Variants in DLGAP2 observed in about 807,000 individuals in gnomAD.
The protein encoded by DLGAP2 is disks large-associated protein 2.
In DLGAP2, 26 loss-of-function variants were observed where a neutral mutation model predicts 100.3. That is an observed-to-expected ratio of 0.26 (90% CI 0.19 to 0.36). The LOEUF (loss-of-function observed/expected upper bound fraction) is 0.36, where lower values mean the gene tolerates loss of function less well. DLGAP2 is among the 10% of genes least tolerant of loss of function. The probability of loss-of-function intolerance (pLI) is 1.00; values close to 1 mark genes in which losing one functional copy is unlikely to be tolerated. For missense variants in DLGAP2, 1,858 were observed against 1,453.2 expected (o/e 1.28, Z -4.53); for synonymous variants, 886 against 630.1 (o/e 1.41, Z -6.08).
intron 1 of DLGAP2, among the ~76,000 whole-genome samples, chr8:838,692 T>C (rs1365518529): frequency 6.6e-6 from 1 of 152,220 alleles, no homozygotes; most frequent in East Asian, 1.9e-4. Flanking sequence ...CAATTAAACT[T>C]CTTTTACTGC....
intron 2 of DLGAP2, among the ~76,000 whole-genome samples, chr8:1,176,394 A>G (rs1797256895): frequency 1.1e-5 from 1 of 92,976 alleles, no homozygotes; most frequent in Non-Finnish European, 2.4e-5. Flanking sequence ...CCATATCACC[A>G]GAGTTTCTGT....
chr8:1,167,684 T>G (rs1263247865), intron 2 of DLGAP2, among the ~76,000 whole-genome samples: 1 of 152,198 alleles, frequency 6.6e-6, no homozygotes, highest in East Asian at 1.9e-4. Flanking sequence ...CAATGGAATA[T>G]TCTTGGTTTA....
At chr8:789,322 A>G (rs1418307930) in intron 1 of DLGAP2, among the ~76,000 whole-genome samples, 1 of 152,226 alleles carries the variant, frequency 6.6e-6, no homozygotes, top group Non-Finnish European at 1.5e-5. Context: ...GCGAAGGGGA[A>G]GTAGGCATAT....
intron 1 of DLGAP2, among the ~76,000 whole-genome samples, chr8:781,899 T>C (rs376637202): frequency 1.3e-5 from 2 of 152,180 alleles, no homozygotes; most frequent in South Asian, 4.1e-4. Flanking sequence ...ATTTAGGAGA[T>C]AGGATAATAC....
intron 9 of DLGAP2, 60 bp from the exon 10 acceptor site, chr8:1,669,683 C>T: frequency 1.3e-6 from 1 of 780,308 alleles, no homozygotes; most frequent in Non-Finnish European, 2.4e-6. Context: ...AGGGGAGCCG[C>T]CCGCTGGTCC....
intron 10 of DLGAP2, among the ~76,000 whole-genome samples, chr8:1,672,597 T>C (rs1798718549): frequency 6.6e-6 from 1 of 152,200 alleles, no homozygotes; most frequent in African/African-American, 2.4e-5. Flanking sequence ...GAAAAGACTC[T>C]GCGGCTGTCC....
intron 5 of DLGAP2, among the ~76,000 whole-genome samples, chr8:1,551,438 C>T (rs1311548949): frequency 6.6e-6 from 1 of 152,304 alleles, no homozygotes; most frequent in South Asian, 2.1e-4. Context: ...GCCTCCAATG[C>T]CTGCCACTCT....
At chr8:1,554,297 AAATT>A (rs953670112) in intron 5 of DLGAP2, among the ~76,000 whole-genome samples, 1,905 of 112,922 alleles carry the variant, frequency 0.017, 37 homozygotes, top group African/African-American at 0.078. Context: ...CTAAATAAAT[AAATT>A]AATTAAATAA....
intron 2 of DLGAP2, among the ~76,000 whole-genome samples, chr8:1,256,739 T>G (rs75452584): frequency 0.04 from 6,059 of 152,242 alleles, 363 homozygotes; most frequent in African/African-American, 0.13. Flanking sequence ...CTCCCCACTT[T>G]CTGCAGAATT....
intron 2 of DLGAP2, among the ~76,000 whole-genome samples, chr8:1,111,697 G>C (rs556261874): frequency 6.6e-6 from 1 of 152,086 alleles, no homozygotes; most frequent in South Asian, 2.1e-4. Context: ...AAAGATAATG[G>C]CCTCCAGCTC....
In DLGAP2 at chr8:1,568,720, G is replaced by C. The variant is rs1395718906; in HGVS notation, c.1442+2826G>C. The stretch of plus-strand genomic sequence containing the variant: ...TGGCCCCCATGCCACTGCCCACTCA[G>C]CAGACACAATTCCGCTCTGCCCGTG... On this transcript the variant is annotated intron_variant, in intron 6 of 14. Transcript: ENST00000637795. 6.8e-5 allele frequency among the ~76,000 whole-genome samples: 8 copies of C among 118,300 alleles called. 1 individual carries two copies. Among genetic ancestry groups the C allele is most frequent in the African/African-American group, 1.0e-4 (3 of 29,654 alleles). 77.6% of individuals were successfully genotyped at this position (118,300 alleles called of 152,430 possible).
chr8:1,531,194 A>G (rs1167257003), intron 4 of DLGAP2, among the ~76,000 whole-genome samples: 1 of 151,710 alleles, frequency 6.6e-6, no homozygotes, highest in Admixed American at 6.6e-5. Flanking sequence ...CAACTGGTTA[A>G]GTATGGTGCA....
intron 3 of DLGAP2, among the ~76,000 whole-genome samples, chr8:1,345,040 G>A (rs1043455069): frequency 6.6e-6 from 1 of 152,174 alleles, no homozygotes; most frequent in Non-Finnish European, 1.5e-5. Context: ...TCTTTCAGAG[G>A]AATCATTTGA....
intron 8 of DLGAP2, among the ~76,000 whole-genome samples, chr8:1,638,920 A>T (rs1222023548): frequency 6.6e-6 from 1 of 152,332 alleles, no homozygotes; most frequent in African/African-American, 2.4e-5. Context: ...GATGGAGGTG[A>T]TGCTGTTGCA....
intron 3 of DLGAP2, among the ~76,000 whole-genome samples, chr8:1,446,337 A>G (rs1797985317): frequency 6.6e-6 from 1 of 152,096 alleles, no homozygotes; most frequent in Non-Finnish European, 1.5e-5. Flanking sequence ...AGCACCATTT[A>G]TTAAATAGGG....
At chr8:1,364,360 A>G (rs1295689014) in intron 3 of DLGAP2, among the ~76,000 whole-genome samples, 2 of 152,114 alleles carry the variant, frequency 1.3e-5, no homozygotes, top group African/African-American at 2.4e-5. Context: ...GTGATCGTCA[A>G]GGGCTGCCAC....
intron 2 of DLGAP2, among the ~76,000 whole-genome samples, chr8:1,006,019 T>C (rs1437732670): frequency 6.6e-6 from 1 of 151,950 alleles, no homozygotes; most frequent in Non-Finnish European, 1.5e-5. Flanking sequence ...TGAAACCCTG[T>C]CTCTACTAAA....
At chr8:794,431 A>G (rs1251183616) in intron 1 of DLGAP2, among the ~76,000 whole-genome samples, 1 of 152,248 alleles carries the variant, frequency 6.6e-6, no homozygotes, top group East Asian at 1.9e-4. Flanking sequence ...ATTAACAGCA[A>G]ACCAGTCATT....
intron 1 of DLGAP2, among the ~76,000 whole-genome samples, chr8:748,399 G>A (rs1329426523): frequency 6.6e-5 from 10 of 152,026 alleles, no homozygotes; most frequent in Non-Finnish European, 1.2e-4. Context: ...CAGCTCAGCC[G>A]CATGCTCCAC....
Sources: gnomAD v4.1 joint callset for allele counts (sites outside exome capture counted in the v4.1 genomes callset) on GRCh38, gnomAD v4.1.1 for gene constraint, MANE v1.5 for transcripts, NCBI Gene and HGNC (gene_info 2026-07-23, HGNC 2026-07-21) for gene names.